Variants in RNF146 observed in about 807,000 individuals in gnomAD.
RNF146 encodes the protein ring finger protein 146.
A neutral mutation model predicts 29.7 loss-of-function variants in RNF146; 11 were observed. The ratio of observed to expected loss-of-function variants is 0.37; its 90% confidence interval spans 0.23 to 0.61. The LOEUF is 0.61. Among genes scored for constraint, RNF146 ranks in the 20% least tolerant of loss-of-function variants. The probability of loss-of-function intolerance (pLI) is 0.66; values close to 1 mark genes in which losing one functional copy is unlikely to be tolerated. For missense variants in RNF146, 342 were observed against 438.9 expected, an observed-to-expected ratio of 0.78 and a Z score of 1.97; for synonymous variants, 150 against 159.7, an observed-to-expected ratio of 0.94 and a Z score of 0.46.
intron 1 of RNF146, among the ~76,000 whole-genome samples, chr6:127,268,437 A>G (rs1776976241): frequency 6.6e-6 from 1 of 152,240 alleles, no homozygotes; most frequent in South Asian, 2.1e-4. Context: ...TTGTTTGTAT[A>G]GAGTGTCTGG....
At chr6:127,267,180 C>T (rs1490973202) in intron 1 of RNF146, 1 of 152,346 alleles carries the variant, frequency 6.6e-6, no homozygotes, top group African/African-American at 2.4e-5. Context: ...TTTCCGCCAC[C>T]CCCGCCTTGG....
At chr6:127,271,129 A>T (rs1777432533) in intron 1 of RNF146, among the ~76,000 whole-genome samples, 1 of 152,188 alleles carries the variant, frequency 6.6e-6, no homozygotes, top group Non-Finnish European at 1.5e-5. Flanking sequence ...ACGATTTTTT[A>T]AATAATGTTT....
At chr6:127,281,121 T>C (rs1174933302) in intron 2 of RNF146, among the ~76,000 whole-genome samples, 1 of 151,688 alleles carries the variant, frequency 6.6e-6, no homozygotes, top group Non-Finnish European at 1.5e-5. Context: ...TGCTTTCTAC[T>C]CTTCCAGTAT....
intron 1 of RNF146, among the ~76,000 whole-genome samples, chr6:127,268,025 TTTTAA>T (rs1387756660): frequency 6.6e-6 from 1 of 152,160 alleles, no homozygotes; most frequent in East Asian, 1.9e-4. Context: ...TTGGTATATG[TTTTAA>T]TTTATTTTCT....
At chr6:127,269,850 TTC>T (rs1282311868) in intron 1 of RNF146, among the ~76,000 whole-genome samples, 2 of 152,220 alleles carry the variant, frequency 1.3e-5, no homozygotes, top group Non-Finnish European at 2.9e-5. Context: ...TATTTTTTCT[TTC>T]TGTCACTGAG....
At chr6:127,280,001 G>A (rs1484185025) in intron 1 of RNF146, among the ~76,000 whole-genome samples, 1 of 151,676 alleles carries the variant, frequency 6.6e-6, no homozygotes. Flanking sequence ...TCTATCTAGA[G>A]AGAATAGACA....
At chr6:127,275,305 GTAGGAACTCCTT>G (rs1778048393) in intron 1 of RNF146, among the ~76,000 whole-genome samples, 2 of 152,128 alleles carry the variant, frequency 1.3e-5, no homozygotes, top group South Asian at 4.1e-4. Flanking sequence ...ATTTGTAAAT[GTAGGAACTCCTT>G]TAGATTTTAA....
chr6:127,280,735 A>G (rs1472694365), intron 2 of RNF146: 1 of 191,020 alleles, frequency 5.2e-6, no homozygotes, highest in Non-Finnish European at 9.7e-6. Context: ...AACTTGTTTC[A>G]CTAAATTAAA....
Position 127,270,965 on chromosome 6 carries a change from G to A in RNF146, c.-109+4040G>A, listed in dbSNP as rs543623733. 1.2e-3 allele frequency among the ~76,000 whole-genome samples: 180 copies of A among 151,770 alleles called. 1 individual carries two copies. Among genetic ancestry groups the A allele is most frequent in the East Asian group, 0.011 (59 of 5,146 alleles). On this transcript the variant is annotated intron_variant, in intron 1 of 2. Transcript: ENST00000368314. Reference sequence around the variant, plus strand: ...CAATTAGCTGGGACTACAGGTGTGCGCCACCATGCCCAGCTAATTTTTGTA... The same window carrying A: ...CAATTAGCTGGGACTACAGGTGTGCACCACCATGCCCAGCTAATTTTTGTA...
At position 127,286,269 on chromosome 6, in the gene RNF146, T is replaced by C; in HGVS notation, c.3-347T>C. ...AACTCAGATTTTTAGATTTCTTGTC[T>C]AGCATTCATTTCACTGTATAATAGC... On this transcript the variant is annotated intron_variant, in intron 2 of 2. Transcript: ENST00000368314. The surrounding 1 kb of genome is among the most constrained non-coding windows in gnomAD (Gnocchi z 4.6). 2.0e-6 allele frequency: 2 copies of C among 982,434 alleles called. No individual in the cohort carries two copies. Among genetic ancestry groups the C allele is most frequent in the Non-Finnish European group, 1.3e-6 (1 of 759,412 alleles). 60.9% of individuals were successfully genotyped at this position (982,434 alleles called of 1,614,324 possible). A position where few individuals can be genotyped will look rare whatever the true frequency, so the allele number is the denominator to read the frequency against.
chr6:127,280,118 T>G (rs1778742456), intron 1 of RNF146, 113 bp from the exon 2 acceptor site: 2 of 537,052 alleles, frequency 3.7e-6, no homozygotes, highest in Admixed American at 6.3e-5. Flanking sequence ...AGCATGCATC[T>G]TGTCTTTAAT....
At chr6:127,285,231 T>G in intron 2 of RNF146, 1 of 985,120 alleles carries the variant, frequency 1.0e-6, no homozygotes, top group Non-Finnish European at 1.2e-6. Flanking sequence ...TTTTGAGCCT[T>G]GTCTATTGAG....
rs1779738015 is a variant in RNF146 at position 127,287,867 on chromosome 6, TTAATG to T, written c.*178_*182del. ...AACATGTCTCTGTTGAGAAATTTAT[TTAATG>T]TAAGGAACTTGGGTGTTAATAGTTG... On this transcript the variant is annotated 3_prime_UTR_variant, in exon 3 of 3. Transcript: ENST00000368314. The T allele has an allele frequency of 2.3e-5, 12 of 530,856 alleles. No homozygotes were observed. Among genetic ancestry groups the T allele is most frequent in the Middle Eastern group, 3.7e-4 (1 of 2,674 alleles). 32.9% of individuals were successfully genotyped at this position (530,856 alleles called of 1,614,324 possible).
chr6:127,285,886 CTTAT>C (rs1246309842), intron 2 of RNF146, among the ~76,000 whole-genome samples: 1 of 151,914 alleles, frequency 6.6e-6, no homozygotes, highest in African/African-American at 2.4e-5. Flanking sequence ...AGTTGTGTGT[CTTAT>C]TTATCTTTAG....
intron 1 of RNF146, among the ~76,000 whole-genome samples, chr6:127,276,943 G>T (rs1027283500): frequency 1.2e-4 from 18 of 152,120 alleles, no homozygotes; most frequent in Middle Eastern, 3.4e-3. Flanking sequence ...CTAAGGAAAG[G>T]GGCTGAGAAT....
chr6:127,267,825 C>A (rs1291705944), intron 1 of RNF146, among the ~76,000 whole-genome samples: 3 of 152,264 alleles, frequency 2.0e-5, no homozygotes, highest in Non-Finnish European at 4.4e-5. Context: ...GAGTTCTCTT[C>A]CTACCCTCCA....
intron 2 of RNF146, chr6:127,280,833 A>G (rs1436651298): frequency 6.6e-6 from 1 of 152,028 alleles, no homozygotes; most frequent in Non-Finnish European, 1.5e-5. Context: ...CAGTTTTACT[A>G]GTTGTGCTTT....
At chr6:127,275,696 A>G (rs1490245102) in intron 1 of RNF146, among the ~76,000 whole-genome samples, 2 of 152,142 alleles carry the variant, frequency 1.3e-5, no homozygotes, top group Admixed American at 6.6e-5. Flanking sequence ...GGAGGTAGTC[A>G]GAGAAAATGG....
At chr6:127,277,013 GA>G (rs1321869481) in intron 1 of RNF146, among the ~76,000 whole-genome samples, 1 of 152,044 alleles carries the variant, frequency 6.6e-6, no homozygotes, top group African/African-American at 2.4e-5. Flanking sequence ...ACAAGTTTAA[GA>G]ACCTGTGCAA....
Sources: gnomAD v4.1 joint callset for allele counts (sites outside exome capture counted in the v4.1 genomes callset) on GRCh38, gnomAD v4.1.1 for gene constraint, Gnocchi (gnomAD v3.1) non-coding constraint, MANE v1.5 for transcripts, NCBI Gene and HGNC (gene_info 2026-07-23, HGNC 2026-07-21) for gene names.